ZMYM6: variants seen among roughly 807,000 people sequenced by gnomAD.
The protein encoded by ZMYM6 is zinc finger MYM-type protein 6.
A neutral mutation model predicts 134.0 loss-of-function variants in ZMYM6; 90 were observed. The ratio of observed to expected loss-of-function variants is 0.67; its 90% CI spans 0.57 to 0.80. The LOEUF is 0.80. ZMYM6 is among the 30% of genes least tolerant of loss of function. ZMYM6 has a pLI of 0.00. For missense variants in ZMYM6, 1,362 were observed against 1,533.9 expected (o/e 0.89, Z 1.87); for synonymous variants, 481 against 524.1 (o/e 0.92, Z 1.12).
rs757361670 is a variant in ZMYM6, at chr1:35,011,929, T to A, written c.1023A>T (p.Ile341=). The A allele has an allele frequency of 2.5e-6, 4 of 1,611,438 alleles. No individual in the cohort carries two copies. The South Asian group carries it at 4.4e-5, about 18-fold the overall frequency. ...CACAACTGGAGCTGCAGAAGCTGTA[T>A]ATAGTTCCATTTGACATGGCTAGGT... is the stretch of plus-strand genomic sequence containing the variant. ...QYHLAMSNGT[I]YSFCSSSCVV... Residue 341 remains isoleucine (I), a synonymous_variant, in exon 8 of 16, where the codon ATA becomes ATT. Coordinates refer to ENST00000357182, the MANE Select transcript of ZMYM6 (RefSeq NM_007167.4).
Position 34,988,366 on chromosome 1 carries a change from T to C in ZMYM6, c.2716A>G (p.Lys906Glu), listed in dbSNP as rs187070068. The change falls in exon 16 of 16, where the codon AAG becomes GAG. Residue 906 changes from lysine to glutamate, a missense_variant. Lys to Glu is a moderately conservative substitution (Grantham distance 56, BLOSUM62 1). Transcript: ENST00000357182. Reference protein sequence around the residue: ...DQLIQKVRESKWFALQIDESS... With the variant: ...DQLIQKVRESEWFALQIDESS... ...TCATCTATCTGAAGGGCAAACCACT[T>C]TGACTCTCTGACCTTTTGAATCAGC... 19 of 1,551,538 alleles carry C rather than the reference T, an allele frequency of 1.2e-5. No homozygotes were observed. In the African/African-American group the frequency reaches 2.1e-4, roughly 17 times the overall value.
chr1:35,011,107 TC>T, intron 8 of ZMYM6, 71 bp from the exon 9 acceptor site: 1 of 1,464,592 alleles, frequency 6.8e-7, no homozygotes, highest in Non-Finnish European at 9.1e-7. Flanking sequence ...TTTCATTTCC[TC>T]ATTTTAATAA....
At chr1:35,003,898 G>C (rs1640920291) in intron 14 of ZMYM6, 70 bp downstream of exon 14, 4 of 1,367,986 alleles carry the variant, frequency 2.9e-6, no homozygotes, top group East Asian at 4.6e-5. Context: ...AGATATATTA[G>C]AATGCCATAT....
At chr1:34,996,783 A>G (rs985760755) in intron 14 of ZMYM6, among the ~76,000 whole-genome samples, 44 of 152,248 alleles carry the variant, frequency 2.9e-4, no homozygotes, top group Non-Finnish European at 1.6e-4. Context: ...ATGCCTGCAC[A>G]GCAACTCTAC....
intron 14 of ZMYM6, 102 bp from the exon 15 acceptor site, chr1:34,992,489 TA>T: frequency 3.9e-6 from 5 of 1,267,550 alleles, no homozygotes; most frequent in Non-Finnish European, 5.3e-6. Context: ...TCAAGAGAAA[TA>T]TAATTCCTCT....
intron 2 of ZMYM6, among the ~76,000 whole-genome samples, chr1:35,026,051 C>T (rs1641408380): frequency 6.6e-6 from 1 of 152,030 alleles, no homozygotes; most frequent in African/African-American, 2.4e-5. Flanking sequence ...GATGGAGTCT[C>T]CCTTTGTCGT....
At chr1:34,989,147 A>C in intron 15 of ZMYM6, 6 of 1,344,022 alleles carry the variant, frequency 4.5e-6, no homozygotes, top group Non-Finnish European at 5.7e-6. Flanking sequence ...CACTAGGTAT[A>C]ATAAAACTGT....
intron 2 of ZMYM6, among the ~76,000 whole-genome samples, chr1:35,028,135 C>T (rs1468610110): frequency 6.6e-6 from 1 of 151,944 alleles, no homozygotes; most frequent in African/African-American, 2.4e-5. Flanking sequence ...GCCAACATGG[C>T]GAAACCCAGT....
intron 10 of ZMYM6, 27 bp from the exon 11 acceptor site, chr1:35,008,951 A>C: frequency 6.3e-7 from 1 of 1,594,996 alleles, no homozygotes; most frequent in South Asian, 1.1e-5. Context: ...TGAAAGGAAG[A>C]AAAATCAAAT....
chr1:35,013,585 A>G, intron 6 of ZMYM6: 1 of 985,484 alleles, frequency 1.0e-6, no homozygotes, highest in Non-Finnish European at 1.2e-6. Context: ...TCAGTGATGA[A>G]TGTCCATATG....
At chr1:35,029,612 T>C (rs1478224731) in intron 2 of ZMYM6, among the ~76,000 whole-genome samples, 3 of 152,226 alleles carry the variant, frequency 2.0e-5, no homozygotes, top group African/African-American at 2.4e-5. Context: ...TCATACCTTT[T>C]CTGTTCCAGG....
chr1:35,012,455 T>G lies in ZMYM6; in HGVS notation c.922A>C (p.Arg308=). ...FCSINCLSAY[R]VKTVTSSGVQ... is the part of the protein sequence containing the mutation. ...CCTGAAGAAGTAACAGTCTTAACTC[T>G]GTAAGCAGATAAGCAATTAATAGAG... The change falls in exon 7 of 16, where the codon AGA becomes CGA. Residue 308 remains arginine (R), a synonymous_variant. Coordinates refer to ENST00000357182, the MANE Select transcript of ZMYM6 (RefSeq NM_007167.4). 6.2e-7 allele frequency: 1 copy of G among 1,600,952 alleles called. No individual in the cohort carries two copies. The highest frequency in any genetic ancestry group is 1.3e-5 in the African/African-American group (1 of 74,380).
At chr1:35,014,548 A>G (rs1641147454) in intron 6 of ZMYM6, 149 bp downstream of exon 6, 10 of 778,288 alleles carry the variant, frequency 1.3e-5, no homozygotes, top group Non-Finnish European at 2.0e-5. Flanking sequence ...CATCCCTCAC[A>G]CCATCAGAAT....
intron 3 of ZMYM6, 22 bp downstream of exon 3, chr1:35,020,361 C>G: frequency 6.3e-7 from 1 of 1,581,384 alleles, no homozygotes; most frequent in Non-Finnish European, 8.6e-7. Context: ...TTGTAACTAA[C>G]TTATACAGTT....
chr1:35,019,271 A>G (rs1641260836), intron 4 of ZMYM6, 82 bp downstream of exon 4: 1 of 1,573,064 alleles, frequency 6.4e-7, no homozygotes. Context: ...AAGAGATTTA[A>G]AGTATCAACA....
chr1:35,003,645 C>T (rs1640916958), intron 14 of ZMYM6, among the ~76,000 whole-genome samples: 1 of 152,170 alleles, frequency 6.6e-6, no homozygotes, highest in Admixed American at 6.5e-5. Flanking sequence ...ATCAAGAATG[C>T]ATTCTTACTA....
At chr1:35,012,044 C>A in intron 7 of ZMYM6, 39 bp from the exon 8 acceptor site, 4 of 1,272,272 alleles carry the variant, frequency 3.1e-6, no homozygotes, top group Admixed American at 4.0e-5. Flanking sequence ...TTAAGTTATA[C>A]CAATGAACAA....
intron 11 of ZMYM6, among the ~76,000 whole-genome samples, chr1:35,007,972 T>G (rs1641015352): frequency 1.3e-5 from 2 of 152,210 alleles, no homozygotes; most frequent in Non-Finnish European, 2.9e-5. Flanking sequence ...CATAAAGATT[T>G]TGATTCATTC....
rs140725276 is a variant in ZMYM6, at chr1:35,008,131, G to A, written c.1665+621C>T. Among the ~76,000 whole-genome samples, 844 of 152,256 alleles carry A rather than the reference G, an allele frequency of 5.5e-3. 6 individuals are homozygous for A. Among genetic ancestry groups the A allele is most frequent in the Non-Finnish European group, 8.8e-3 (599 of 68,020 alleles). The stretch of plus-strand genomic sequence containing the variant: ...AACAGTGATTTACCAGAGTGTTATA[G>A]ATGCTGTCTTGCTGTCACCTACCAG... On this transcript the variant is annotated intron_variant, in intron 11 of 15. Transcript: ENST00000357182.
Sources: allele counts gnomAD v4.1 joint callset (sites outside exome capture counted in the v4.1 genomes callset), GRCh38; gene constraint gnomAD v4.1.1; transcripts MANE v1.5; gene names NCBI Gene and HGNC (gene_info 2026-07-23, HGNC 2026-07-21).